Variants in THOC5 observed in about 807,000 individuals in gnomAD.
THOC5 encodes THO complex subunit 5, also known as Fms-interacting protein.
In THOC5, 43 loss-of-function variants were observed where a neutral mutation model predicts 92.9. That is an observed-to-expected ratio of 0.46 (90% confidence interval 0.36 to 0.60). The LOEUF (loss-of-function observed/expected upper bound fraction) is 0.60, where lower values mean the gene tolerates loss of function less well. THOC5 is among the 20% of genes least tolerant of loss of function. The probability of loss-of-function intolerance (pLI) is 0.00; values close to 1 mark genes in which losing one functional copy is unlikely to be tolerated. For missense variants in THOC5, 659 were observed against 849.4 expected, an observed-to-expected ratio of 0.78 and a Z score of 2.79; for synonymous variants, 296 against 320.1, an observed-to-expected ratio of 0.92 and a Z score of 0.80.
intron 17 of THOC5, among the ~76,000 whole-genome samples, chr22:29,513,437 T>C (rs1601381104): frequency 6.6e-6 from 1 of 151,506 alleles, no homozygotes; most frequent in East Asian, 1.9e-4. Flanking sequence ...GGGTCACGCC[T>C]ATAATCCCAG....
At chr22:29,546,660 G>A (rs1026670378) in intron 2 of THOC5, among the ~76,000 whole-genome samples, 7 of 151,484 alleles carry the variant, frequency 4.6e-5, no homozygotes, top group African/African-American at 7.3e-5. Flanking sequence ...GGCTGGTCTC[G>A]AACTTCTGAC....
chr22:29,551,816 CG>C (rs1250548609), intron 1 of THOC5, among the ~76,000 whole-genome samples: 4 of 135,858 alleles, frequency 2.9e-5, no homozygotes, highest in Non-Finnish European at 6.3e-5. Flanking sequence ...CCTCTCTCCA[CG>C]GTCTCCCTCT....
rs923320387 is a variant in THOC5 at position 29,530,194 on chromosome 22, T to C, written c.848-955A>G. ...TAGCTGCCCCATTAGTGGTGGGGAC[T>C]GAATGAGCTGATGCTTGTAATTTTA... On this transcript the variant is annotated intron_variant, in intron 8 of 19. Transcript: ENST00000490103. Among the ~76,000 whole-genome samples the C allele has an allele frequency of 1.3e-4, 20 of 151,606 alleles. 1 individual carries two copies. The highest frequency in any genetic ancestry group is 1.3e-3 in the Admixed American group (20 of 15,212).
At chr22:29,550,524 T>G (rs1177451235) in intron 1 of THOC5, among the ~76,000 whole-genome samples, 2 of 152,112 alleles carry the variant, frequency 1.3e-5, no homozygotes, top group Non-Finnish European at 2.9e-5. Flanking sequence ...TCACCCAAGC[T>G]GGAGTGCAGT....
intron 15 of THOC5, 129 bp downstream of exon 15, chr22:29,518,877 A>C (rs2063382717): frequency 1.4e-6 from 1 of 716,670 alleles, no homozygotes; most frequent in Non-Finnish European, 2.4e-6. Context: ...CAAGATGCCC[A>C]CTCCGTAAAG....
intron 6 of THOC5, among the ~76,000 whole-genome samples, 172 bp downstream of exon 6, chr22:29,539,158 C>T (rs1353541399): frequency 6.6e-6 from 1 of 151,222 alleles, no homozygotes; most frequent in Non-Finnish European, 1.5e-5. Context: ...ACCCCAACCC[C>T]ATCCATGATG....
intron 15 of THOC5, among the ~76,000 whole-genome samples, chr22:29,517,584 G>T (rs1409477484): frequency 1.3e-5 from 2 of 152,200 alleles, no homozygotes; most frequent in Non-Finnish European, 2.9e-5. Context: ...CAGATCCAGT[G>T]CCAGCACTTA....
intron 7 of THOC5, 139 bp from the exon 8 acceptor site, chr22:29,532,102 T>G (rs914011136): frequency 9.7e-7 from 1 of 1,034,414 alleles, no homozygotes; most frequent in African/African-American, 1.6e-5. Context: ...GGATAAAAGC[T>G]CAACGTAAAC....
At position 29,539,579 on chromosome 22, in the gene THOC5, C is replaced by G. The variant is rs540078204; in HGVS notation, c.453-103G>C. ...CAACATATGCCTGCTTAGTCCTGGT[C>G]TACAGGATCCTGGAATCCAGTCTTC... On this transcript the variant is annotated intron_variant, in intron 5 of 19. Coordinates refer to ENST00000490103, the MANE Select transcript of THOC5 (RefSeq NM_003678.5). 2.8e-4 allele frequency: 343 copies of G among 1,246,322 alleles called. 2 individuals carry two copies. Among genetic ancestry groups the G allele is most frequent in the South Asian group, 4.5e-5 (3 of 66,692 alleles). 77.2% of individuals were successfully genotyped at this position (1,246,322 alleles called of 1,614,324 possible). A position where few individuals can be genotyped will look rare whatever the true frequency, so the allele number is the denominator to read the frequency against.
intron 7 of THOC5, among the ~76,000 whole-genome samples, chr22:29,532,343 T>C (rs1348478731): frequency 6.6e-6 from 1 of 151,738 alleles, no homozygotes; most frequent in Non-Finnish European, 1.5e-5. Context: ...AAAGATGCCA[T>C]TTCAATACCA....
chr22:29,543,448 C>G lies in THOC5; in HGVS notation c.335G>C (p.Gly112Ala), dbSNP rs751658280. 1.2e-6 allele frequency: 2 copies of G among 1,613,380 alleles called. No individual in the cohort carries two copies. Among genetic ancestry groups the G allele is most frequent in the Admixed American group, 3.3e-5 (2 of 59,980 alleles). The change falls in exon 4 of 20, where the codon GGA (glycine) becomes GCA (alanine). Residue 112 changes from glycine to alanine, a missense_variant. Gly to Ala is a moderately conservative substitution (Grantham distance 60). Coordinates refer to ENST00000490103, the MANE Select transcript of THOC5 (RefSeq NM_003678.5). Reference protein sequence around the residue: ...NRLAHIRLKKGRDQTHEAKQK... With the variant: ...NRLAHIRLKKARDQTHEAKQK... ...TACTACCTCGTGGGTCTGATCTCTTCCTTTCTTCAACCTGATGTGGGCTAA... is the reference window on the plus strand; with the variant it reads ...TACTACCTCGTGGGTCTGATCTCTTGCTTTCTTCAACCTGATGTGGGCTAA...
At chr22:29,514,339 T>C (rs1339960250) in intron 17 of THOC5, among the ~76,000 whole-genome samples, 3 of 145,556 alleles carry the variant, frequency 2.1e-5, no homozygotes, top group Admixed American at 6.9e-5. Context: ...TTTTTTGAGA[T>C]GGAGTCTCGC....
chr22:29,520,021 T>C lies in THOC5; in HGVS notation c.1361A>G (p.Lys454Arg), dbSNP rs1161960965. 7 of 1,613,550 alleles carry C rather than the reference T, an allele frequency of 4.3e-6. No individual in the cohort carries two copies. Among genetic ancestry groups the C allele is most frequent in the Non-Finnish European group, 5.9e-6 (7 of 1,179,880 alleles). Residue 454 changes from lysine to arginine, a missense_variant, in exon 14 of 20, where the codon AAA (lysine) becomes AGA (arginine). Lys to Arg is a conservative substitution (Grantham distance 26). Coordinates refer to ENST00000490103, the MANE Select transcript of THOC5 (RefSeq NM_003678.5). ...CAGTGTACAGACCTGGGGCTGCTCT[T>C]TGGGGAAGTGGAGGCCACCCAGCTT... ...VQKLGGLHFP[K>R]EQPQQTVIAD... is the part of the protein sequence containing the mutation.
intron 15 of THOC5, among the ~76,000 whole-genome samples, chr22:29,518,713 G>A (rs534087705): frequency 1.2e-4 from 18 of 152,316 alleles, no homozygotes; most frequent in South Asian, 4.1e-4. Context: ...AATCTGCAAT[G>A]CATGACCTAG....
chr22:29,529,339 C>T lies in THOC5; in HGVS notation c.848-100G>A, dbSNP rs1219425100. The T allele has an allele frequency of 9.6e-6, 12 of 1,253,736 alleles. No homozygotes were observed. In the East Asian group the frequency reaches 2.8e-4, roughly 29 times the overall value. The allele number at this position is 1,253,736 out of a possible 1,614,324, so 77.7% of individuals were successfully genotyped here. ...GGGCTGCATTTCTCCCACCTCTGCCCAGCTCCTTGCTGACTAAGGGTGGAA... is the reference window on the plus strand; with the variant it reads ...GGGCTGCATTTCTCCCACCTCTGCCTAGCTCCTTGCTGACTAAGGGTGGAA... On this transcript the variant is annotated intron_variant, in intron 8 of 19. Coordinates refer to ENST00000490103, the MANE Select transcript of THOC5 (RefSeq NM_003678.5).
Position 29,543,426 on chromosome 22 carries a change from T to A in THOC5, c.354+3A>T. 1 of 1,564,738 alleles carries A rather than the reference T, an allele frequency of 6.4e-7. No individual in the cohort carries two copies. Among genetic ancestry groups the A allele is most frequent in the Non-Finnish European group, 8.7e-7 (1 of 1,144,806 alleles). On this transcript the variant is annotated splice_donor_region_variant and intron_variant, in intron 4 of 19. Coordinates refer to ENST00000490103, the MANE Select transcript of THOC5 (RefSeq NM_003678.5). Reference sequence around the variant, plus strand: ...GGTTAAAATTAAACCTTTTAACTACTACCTCGTGGGTCTGATCTCTTCCTT... The same window carrying A: ...GGTTAAAATTAAACCTTTTAACTACAACCTCGTGGGTCTGATCTCTTCCTT...
intron 13 of THOC5, among the ~76,000 whole-genome samples, chr22:29,520,741 C>A (rs571225971): frequency 2.0e-5 from 3 of 152,334 alleles, no homozygotes; most frequent in African/African-American, 7.2e-5. Flanking sequence ...AGGAATCCAC[C>A]TGCTTTGGCC....
chr22:29,519,653 ACGGAGTTTT>A (rs1442819708), intron 14 of THOC5, among the ~76,000 whole-genome samples: 1 of 143,646 alleles, frequency 7.0e-6, no homozygotes, highest in Non-Finnish European at 1.5e-5. Context: ...TTTTTTTGAG[ACGGAGTTTT>A]GCTCTTGTTG....
rs955389490 is a variant in THOC5, at chr22:29,508,432, G to A, written c.*25C>T. On this transcript the variant is annotated 3_prime_UTR_variant, in exon 20 of 20. Transcript: ENST00000490103. ...CCCAGTGCTCAGGGTGAGGCCTTGG[G>A]GGAAACAACGGTCTGCGCGGGAGAT... 6.2e-7 allele frequency: 1 copy of A among 1,613,342 alleles called. No individual in the cohort carries two copies. Among genetic ancestry groups the A allele is most frequent in the Non-Finnish European group, 8.5e-7 (1 of 1,179,292 alleles).
Sources: allele counts gnomAD v4.1 joint callset (sites outside exome capture counted in the v4.1 genomes callset), GRCh38; gene constraint gnomAD v4.1.1; transcripts MANE v1.5; gene names NCBI Gene and HGNC (gene_info 2026-07-23, HGNC 2026-07-21).